KAT6B: variants seen among roughly 807,000 people sequenced by gnomAD.
KAT6B encodes the protein lysine acetyltransferase 6B, also known as histone acetyltransferase KAT6B.
Under a neutral mutation model 187.5 loss-of-function variants are expected in KAT6B, and 10 were observed. The ratio of observed to expected loss-of-function variants is 0.05; its 90% CI spans 0.03 to 0.09. The LOEUF is 0.09. Ranked by LOEUF, KAT6B falls within the 10% of genes least tolerant of loss-of-function variation. KAT6B has a pLI of 1.00. For missense variants in KAT6B, 1,952 were observed against 2,558.9 expected (o/e 0.76, Z 5.12); for synonymous variants, 861 against 926.8 (o/e 0.93, Z 1.29).
intron 3 of KAT6B, among the ~76,000 whole-genome samples, chr10:74,944,349 G>A (rs910627103): frequency 6.6e-6 from 1 of 152,196 alleles, no homozygotes. Context: ...GCTGAATACT[G>A]ATTTCCCATA....
At chr10:74,855,506 A>G (rs1340645201) in intron 3 of KAT6B, among the ~76,000 whole-genome samples, 2 of 152,234 alleles carry the variant, frequency 1.3e-5, no homozygotes, top group East Asian at 1.9e-4. Flanking sequence ...CTTGTTTTCA[A>G]AATTAGTATT....
intron 3 of KAT6B, among the ~76,000 whole-genome samples, chr10:74,895,613 C>CA (rs2132691253): frequency 1.3e-5 from 2 of 152,162 alleles, no homozygotes; most frequent in African/African-American, 4.8e-5. Context: ...AATCTCAGCT[C>CA]ACTACAACCT....
chr10:75,011,720 T>A (rs572232288), intron 13 of KAT6B, among the ~76,000 whole-genome samples: 15 of 152,280 alleles, frequency 9.9e-5, no homozygotes, highest in South Asian at 8.3e-4. Context: ...TATTAAAAAA[T>A]TTTTATTCTT....
intron 3 of KAT6B, among the ~76,000 whole-genome samples, chr10:74,868,941 C>T (rs537919812): frequency 6.6e-6 from 1 of 152,286 alleles, no homozygotes; most frequent in South Asian, 2.1e-4. Context: ...GCTCATGCTC[C>T]CTTCTGCCCT....
In KAT6B at chr10:74,843,067, C is replaced by T. The variant is rs1564515786; in HGVS notation, c.210C>T (p.Ser70=). The change falls in exon 3 of 18, where the codon TCC becomes TCT. Residue 70 remains serine, a synonymous_variant. Transcript: ENST00000287239. ...VLKVTNKGLA[S]YKDPDNPGRF... ...AAGTCACCAACAAAGGCCTTGCCTC[C>T]TATAAGGACCCAGACAACCCTGGGC... is the stretch of plus-strand genomic sequence containing the variant. 1.2e-6 allele frequency: 2 copies of T among 1,614,208 alleles called. No individual in the cohort carries two copies. The highest frequency in any genetic ancestry group is 1.7e-6 in the Non-Finnish European group (2 of 1,180,036).
chr10:74,937,100 G>C (rs1450274104), intron 3 of KAT6B, among the ~76,000 whole-genome samples: 3 of 152,196 alleles, frequency 2.0e-5, no homozygotes, highest in Admixed American at 2.0e-4. Context: ...TGTGTGTGTG[G>C]AATAAGGCGA....
At chr10:74,878,544 C>G (rs140543570) in intron 3 of KAT6B, among the ~76,000 whole-genome samples, 2,999 of 145,606 alleles carry the variant, frequency 0.021, 67 homozygotes, top group Middle Eastern at 0.064. Context: ...CACTTGAACC[C>G]GGGAGGTGGA....
At chr10:74,853,161 C>G (rs905061083) in intron 3 of KAT6B, among the ~76,000 whole-genome samples, 2 of 139,016 alleles carry the variant, frequency 1.4e-5, no homozygotes, top group African/African-American at 5.6e-5. Flanking sequence ...GTTACCCAGG[C>G]TGGAGTGCAG....
chr10:74,960,452 T>C (rs566436732), intron 4 of KAT6B, among the ~76,000 whole-genome samples: 1 of 152,164 alleles, frequency 6.6e-6, no homozygotes, highest in African/African-American at 2.4e-5. Flanking sequence ...AAAATTAAGC[T>C]TTTTCTGTTA....
At chr10:74,915,533 TA>T (rs1847608951) in intron 3 of KAT6B, among the ~76,000 whole-genome samples, 1 of 152,228 alleles carries the variant, frequency 6.6e-6, no homozygotes, top group South Asian at 2.1e-4. Flanking sequence ...TTCATTGACA[TA>T]ATGACATCAC....
intron 13 of KAT6B, among the ~76,000 whole-genome samples, chr10:74,998,473 T>C (rs1414427985): frequency 6.6e-6 from 1 of 152,162 alleles, no homozygotes; most frequent in East Asian, 1.9e-4. Flanking sequence ...GAAGAAAATG[T>C]CACCCAGAGA....
At chr10:74,895,539 T>A (rs1208940602) in intron 3 of KAT6B, among the ~76,000 whole-genome samples, 1 of 152,074 alleles carries the variant, frequency 6.6e-6, no homozygotes, top group Non-Finnish European at 1.5e-5. Flanking sequence ...TTCTTCTTAA[T>A]CTTATTCCTT....
chr10:75,030,541 G>T lies in KAT6B; in HGVS notation c.5717G>T (p.Gly1906Val), dbSNP rs1846236710. 6.2e-7 allele frequency: 1 copy of T among 1,607,434 alleles called. No individual in the cohort carries two copies. The highest frequency in any genetic ancestry group is 8.5e-7 in the Non-Finnish European group (1 of 1,175,026). ...LQRNMAASNIGISHSQRLQTQ... is the reference protein window; with the variant it reads ...LQRNMAASNIVISHSQRLQTQ... ...CGGAACATGGCTGCATCAAATATTG[G>T]CATCTCTCACAGCCAAAGACTGCAA... Residue 1906 changes from glycine (G) to valine (V), a missense_variant, in exon 18 of 18, where the codon GGC (glycine) becomes GTC (valine). Physicochemically the swap from Gly to Val is moderately radical, Grantham distance 109. Transcript: ENST00000287239. This position sits in a 1 kb window ranked among gnomAD's most constrained non-coding sequence, Gnocchi z 4.8.
intron 3 of KAT6B, among the ~76,000 whole-genome samples, chr10:74,847,684 T>C (rs1842204933): frequency 6.6e-6 from 1 of 151,582 alleles, no homozygotes. Flanking sequence ...AATAAATAAA[T>C]AAAATAGCAT....
chr10:74,902,851 T>C (rs1846496794), intron 3 of KAT6B, among the ~76,000 whole-genome samples: 1 of 152,210 alleles, frequency 6.6e-6, no homozygotes, highest in African/African-American at 2.4e-5. Flanking sequence ...ATCAACTCCT[T>C]TGAGAAGAGT....
chr10:74,877,825 G>A (rs1363388274), intron 3 of KAT6B, among the ~76,000 whole-genome samples: 1 of 151,496 alleles, frequency 6.6e-6, no homozygotes. Flanking sequence ...AGTAATTTAT[G>A]TTTGGGTTCT....
chr10:74,850,709 T>C, intron 3 of KAT6B, among the ~76,000 whole-genome samples: 1 of 152,220 alleles, frequency 6.6e-6, no homozygotes. Flanking sequence ...TAGGTCAGAT[T>C]ATGAGGACTT....
intron 3 of KAT6B, among the ~76,000 whole-genome samples, chr10:74,887,532 C>A (rs1025098227): frequency 9.9e-5 from 15 of 151,896 alleles, no homozygotes; most frequent in Non-Finnish European, 1.9e-4. Context: ...ACCATGTTGG[C>A]CAGGCTGGTC....
At chr10:75,024,883 C>A in intron 16 of KAT6B, 75 bp from the exon 17 acceptor site, 1 of 1,357,504 alleles carries the variant, frequency 7.4e-7, no homozygotes, top group South Asian at 1.2e-5. Flanking sequence ...GCGTTCAGTA[C>A]ATGTCTACTG....
Sources: gnomAD v4.1 joint callset for allele counts (sites outside exome capture counted in the v4.1 genomes callset) on GRCh38, gnomAD v4.1.1 for gene constraint, Gnocchi (gnomAD v3.1) non-coding constraint, MANE v1.5 for transcripts, NCBI Gene and HGNC (gene_info 2026-07-23, HGNC 2026-07-21) for gene names.